Variants in RBCK1 observed in about 807,000 individuals in gnomAD.
RBCK1 encodes ranBP-type and C3HC4-type zinc finger-containing protein 1.
In RBCK1, 44 loss-of-function variants were observed where a neutral mutation model predicts 71.1. The ratio of observed to expected loss-of-function variants is 0.62; its 90% CI spans 0.49 to 0.80. The LOEUF is 0.80. Among genes scored for constraint, RBCK1 ranks in the 30% least tolerant of loss-of-function variants. The pLI is 0.00. For synonymous variants in RBCK1, 306 were observed against 279.7 expected, an observed-to-expected ratio of 1.09 and a Z score of -0.94; for missense variants, 569 against 685.0, an observed-to-expected ratio of 0.83 and a Z score of 1.89.
chr20:424,436 C>A (rs976534940), intron 8 of RBCK1, among the ~76,000 whole-genome samples: 4 of 152,088 alleles, frequency 2.6e-5, no homozygotes, highest in Non-Finnish European at 4.4e-5. Flanking sequence ...TTATTTCTGT[C>A]CCCCCTGCCT....
intron 2 of RBCK1, chr20:410,384 C>T (rs2122174001): frequency 3.9e-6 from 3 of 778,342 alleles, no homozygotes; most frequent in East Asian, 4.8e-5. Context: ...CATATTGTTT[C>T]TCTCACCATT....
rs760358929 is a variant in RBCK1, at chr20:425,567, CTTAG to C, written c.1030-1743_1030-1740del. ...AATAGCACATATACTGTTTATACCT[CTTAG>C]TTCTAGTTTCTCAGTTTGTAATACT... On this transcript the variant is annotated intron_variant, in intron 8 of 11. Coordinates refer to ENST00000356286, the MANE Select transcript of RBCK1 (RefSeq NM_031229.4). Among the ~76,000 whole-genome samples, 5 of 150,628 alleles carry C rather than the reference CTTAG, an allele frequency of 3.3e-5. No homozygotes were observed. The South Asian group carries it at 8.4e-4, about 25-fold the overall frequency.
rs1338959733 is a variant in RBCK1, at chr20:420,098, G to A, written c.756+367G>A. On this transcript the variant is annotated intron_variant, in intron 6 of 11. Coordinates refer to ENST00000356286, the MANE Select transcript of RBCK1 (RefSeq NM_031229.4). Reference sequence around the variant, plus strand: ...CTAGCCATGACCACACCTCAGCTCGGACCTCACCCCCACCCGTCTGTGACC... The same window carrying A: ...CTAGCCATGACCACACCTCAGCTCGAACCTCACCCCCACCCGTCTGTGACC... The A allele has an allele frequency of 3.0e-6, 3 of 984,198 alleles. No individual in the cohort carries two copies. In the African/African-American group the frequency reaches 5.3e-5, roughly 17 times the overall value. The allele number at this position is 984,198 out of a possible 1,614,324, so 61.0% of individuals were successfully genotyped here. A position where few individuals can be genotyped will look rare whatever the true frequency, so the allele number is the denominator to read the frequency against.
At chr20:419,246 A>G in intron 4 of RBCK1, 101 bp from the exon 5 acceptor site, 1 of 1,505,396 alleles carries the variant, frequency 6.6e-7, no homozygotes, top group South Asian at 1.2e-5. Flanking sequence ...GAGGGAGAGG[A>G]TAGGGGGAGG....
chr20:410,470 A>T, intron 2 of RBCK1: 1 of 779,760 alleles, frequency 1.3e-6, no homozygotes. Context: ...TCACAGGAGG[A>T]AGGGAAGAAA....
rs1223194434 is a variant in RBCK1, at chr20:428,101, A to T, written c.1210-390A>T. The stretch of plus-strand genomic sequence containing the variant: ...AGGTCTGGAGCCTGGTCTCAGACTC[A>T]GCCTGAGCAAGCTCAGTCTGGGGTC... On this transcript the variant is annotated intron_variant, in intron 9 of 11. Coordinates refer to ENST00000356286, the MANE Select transcript of RBCK1 (RefSeq NM_031229.4). This position sits in a 1 kb window ranked among gnomAD's most constrained non-coding sequence, Gnocchi z 5.7. Among the ~76,000 whole-genome samples the T allele has an allele frequency of 6.6e-6, 1 of 152,194 alleles. No homozygotes were observed. Among genetic ancestry groups the T allele is most frequent in the African/African-American group, 2.4e-5 (1 of 41,444 alleles).
chr20:411,429 G>A (rs943499697), intron 2 of RBCK1, among the ~76,000 whole-genome samples: 7 of 151,932 alleles, frequency 4.6e-5, no homozygotes, highest in South Asian at 2.1e-4. Flanking sequence ...GTGCAGTGGC[G>A]CGATCTCAGC....
At chr20:413,917 C>CA (rs10706664) in intron 2 of RBCK1, among the ~76,000 whole-genome samples, 10,706 of 114,484 alleles carry the variant, frequency 0.094, 751 homozygotes, top group East Asian at 0.28. Context: ...GACAAATCAC[C>CA]AAAAAAAAAA....
chr20:429,227 T>A (rs1600317020), intron 11 of RBCK1, 133 bp downstream of exon 11: 2 of 205,150 alleles, frequency 9.7e-6, no homozygotes. Flanking sequence ...GAGGTAAGAA[T>A]TTTTTTTTTT....
chr20:420,111 C>G (rs1380860792), intron 6 of RBCK1: 1 of 985,078 alleles, frequency 1.0e-6, no homozygotes. Flanking sequence ...CTCACCCCCA[C>G]CCGTCTGTGA....
At chr20:420,797 G>A (rs2016369932) in intron 6 of RBCK1, 74 bp from the exon 7 acceptor site, 9 of 1,359,104 alleles carry the variant, frequency 6.6e-6, no homozygotes, top group Non-Finnish European at 8.8e-6. Context: ...CACGCCCCCT[G>A]GCCCTTCCCC....
rs938010629 is a variant in RBCK1 at position 431,126 on chromosome 20, A to G, written c.*696A>G. On this transcript the variant is annotated 3_prime_UTR_variant, in exon 12 of 12. Coordinates refer to ENST00000356286, the MANE Select transcript of RBCK1 (RefSeq NM_031229.4). The surrounding 1 kb of genome is among the most constrained non-coding windows in gnomAD (Gnocchi z 4.8). The stretch of plus-strand genomic sequence containing the variant: ...GACTGAGCACTGGGACCTTTCTACC[A>G]GATGTGGACCCCATGCCCAGCCTCA... 6.6e-6 allele frequency among the ~76,000 whole-genome samples: 1 copy of G among 152,138 alleles called. No individual in the cohort carries two copies. Among genetic ancestry groups the G allele is most frequent in the Non-Finnish European group, 1.5e-5 (1 of 68,022 alleles).
chr20:425,299 C>G (rs926070741), intron 8 of RBCK1, among the ~76,000 whole-genome samples: 1 of 152,186 alleles, frequency 6.6e-6, no homozygotes, highest in Non-Finnish European at 1.5e-5. Flanking sequence ...GCGTGAGCCA[C>G]CGTGCCCAGC....
chr20:423,302 AAT>A (rs374266902), intron 8 of RBCK1, among the ~76,000 whole-genome samples: 6 of 150,810 alleles, frequency 4.0e-5, no homozygotes, highest in Middle Eastern at 3.5e-3. Flanking sequence ...TCCGTCTGAA[AAT>A]ATATATATAT....
chr20:417,868 C>A lies in RBCK1; in HGVS notation c.398C>A (p.Ala133Asp), dbSNP rs907637205. Reference sequence around the variant, plus strand: ...AGTGCCTACCTCTATCTGCTGTCAGCCCGCAACACCTCCCTCAACCCTCAG... The same window carrying A: ...AGTGCCTACCTCTATCTGCTGTCAGACCGCAACACCTCCCTCAACCCTCAG... ...GDSAYLYLLS[A>D]RNTSLNPQEL... Residue 133 changes from alanine (A) to aspartate (D), a missense_variant, in exon 4 of 12, where the codon GCC becomes GAC. By Grantham distance (126) the Ala-to-Asp change is moderately radical. Transcript: ENST00000356286. The surrounding 1 kb of genome is among the most constrained non-coding windows in gnomAD (Gnocchi z 4.7). 1 of 1,613,448 alleles carries A rather than the reference C, an allele frequency of 6.2e-7. No individual in the cohort carries two copies. The highest frequency in any genetic ancestry group is 8.5e-7 in the Non-Finnish European group (1 of 1,180,032).
chr20:418,599 A>G (rs1277115020), intron 4 of RBCK1, among the ~76,000 whole-genome samples: 1 of 151,920 alleles, frequency 6.6e-6, no homozygotes, highest in Non-Finnish European at 1.5e-5. Flanking sequence ...CGATCTCCTG[A>G]CTTTGTGATC....
chr20:418,016 G>C, intron 4 of RBCK1, 86 bp downstream of exon 4: 1 of 1,382,332 alleles, frequency 7.2e-7, no homozygotes. Context: ...CAGAGCCCCT[G>C]GGTTTTTAGT....
intron 2 of RBCK1, among the ~76,000 whole-genome samples, chr20:415,827 T>C (rs979977634): frequency 7.9e-5 from 12 of 152,206 alleles, no homozygotes; most frequent in African/African-American, 2.9e-4. Context: ...AGTGAACTTT[T>C]ACTGAAGCGG....
In RBCK1 at chr20:408,525, C is replaced by T. The variant is rs2015503296; in HGVS notation, c.-233C>T. 1 of 606,766 alleles carries T rather than the reference C, an allele frequency of 1.6e-6. No homozygotes were observed. The highest frequency in any genetic ancestry group is 1.9e-5 in the African/African-American group (1 of 53,386). The allele number at this position is 606,766 out of a possible 1,614,324, so 37.6% of individuals were successfully genotyped here. A position where few individuals can be genotyped will look rare whatever the true frequency, so the allele number is the denominator to read the frequency against. On this transcript the variant is annotated 5_prime_UTR_variant, in exon 1 of 12. Transcript: ENST00000356286. ...TCCTGCGCCCAGTGCGGACCTGTCT[C>T]GGCGCCCGCTGCCCTCTCACCGCCC...
Sources: allele counts gnomAD v4.1 joint callset (sites outside exome capture counted in the v4.1 genomes callset), GRCh38; gene constraint gnomAD v4.1.1; non-coding constraint Gnocchi (gnomAD v3.1); transcripts MANE v1.5; gene names NCBI Gene and HGNC (gene_info 2026-07-23, HGNC 2026-07-21).